DENND3: variants seen among roughly 807,000 people sequenced by gnomAD.
DENND3 encodes the protein DENN domain-containing protein 3.
In DENND3, 88 loss-of-function variants were observed where a neutral mutation model predicts 135.1. The observed-to-expected ratio is 0.65, with a 90% CI of 0.55 to 0.78. The LOEUF is 0.78. DENND3 is among the 30% of genes least tolerant of loss of function. The pLI is 0.00. For missense variants in DENND3, 1,392 were observed against 1,688.4 expected (o/e 0.82, Z 3.08); for synonymous variants, 693 against 712.3 (o/e 0.97, Z 0.43).
chr8:141,132,946 T>C (rs1569554765), intron 1 of DENND3, among the ~76,000 whole-genome samples: 1 of 152,192 alleles, frequency 6.6e-6, no homozygotes, highest in Non-Finnish European at 1.5e-5. Flanking sequence ...TCTTCTCTGC[T>C]AAATGTGGGG....
At chr8:141,145,806 TATATATA>T (rs1817961619) in intron 5 of DENND3, among the ~76,000 whole-genome samples, 2 of 7,506 alleles carry the variant, frequency 2.7e-4, no homozygotes, top group Non-Finnish European at 5.4e-4. Context: ...TTGAATATTA[TATATATA>T]TATATATATA....
In DENND3 at chr8:141,138,971, C is replaced by T. The variant is rs1275071223; in HGVS notation, c.501+834C>T. 6.6e-6 allele frequency among the ~76,000 whole-genome samples: 1 copy of T among 152,196 alleles called. No homozygotes were observed. Among genetic ancestry groups the T allele is most frequent in the East Asian group, 1.9e-4 (1 of 5,196 alleles). On this transcript the variant is annotated intron_variant, in intron 3 of 22. Transcript: ENST00000519811. The surrounding 1 kb of genome is among the most constrained non-coding windows in gnomAD (Gnocchi z 4.8). ...GGCGTTTAGACTTTACAACACATTA[C>T]ATCTGTCACACATATTGGGAGTGTT...
At chr8:141,148,659 C>T (rs902274777) in intron 5 of DENND3, among the ~76,000 whole-genome samples, 1 of 152,108 alleles carries the variant, frequency 6.6e-6, no homozygotes, top group African/African-American at 2.4e-5. Context: ...CAGCCCACTT[C>T]AGAGAGTATG....
chr8:141,194,110 C>T lies in DENND3; in HGVS notation c.3714C>T (p.Thr1238=), dbSNP rs550316921. ...KIYVIDAERK[T]VEKELVAHMD... ...ACGTGATTGACGCCGAGAGGAAGAC[C>T]GTGGAGAAGGAGCTGGTGGCGCACA... The change falls in exon 23 of 23, where the codon ACC becomes ACT. Residue 1238 remains threonine, a synonymous_variant. Transcript: ENST00000519811. 9 of 1,613,904 alleles carry T rather than the reference C, an allele frequency of 5.6e-6. No individual in the cohort carries two copies. Among genetic ancestry groups the T allele is most frequent in the East Asian group, 4.5e-5 (2 of 44,882 alleles).
chr8:141,151,410 A>G (rs1298518735), intron 6 of DENND3, among the ~76,000 whole-genome samples: 1 of 152,068 alleles, frequency 6.6e-6, no homozygotes, highest in African/African-American at 2.4e-5. Flanking sequence ...AAAATTTTAC[A>G]ATGAGCTGGA....
chr8:141,132,923 A>C (rs1320148534), intron 1 of DENND3, among the ~76,000 whole-genome samples: 1 of 152,212 alleles, frequency 6.6e-6, no homozygotes, highest in African/African-American at 2.4e-5. Context: ...GAGGAACGAT[A>C]TCGCCTCAGT....
At chr8:141,192,938 G>A (rs1296884927) in intron 22 of DENND3, 16 of 1,366,930 alleles carry the variant, frequency 1.2e-5, no homozygotes, top group East Asian at 9.8e-5. Flanking sequence ...AGTTCTCGAC[G>A]CTGGAGGTCC....
intron 16 of DENND3, 152 bp downstream of exon 16, chr8:141,178,348 C>A: frequency 8.3e-7 from 1 of 1,203,630 alleles, no homozygotes; most frequent in Non-Finnish European, 1.1e-6. Context: ...AGTCGCACAC[C>A]TTATCCGGCA....
At chr8:141,159,543 C>T (rs898410850) in intron 8 of DENND3, among the ~76,000 whole-genome samples, 18 of 152,228 alleles carry the variant, frequency 1.2e-4, no homozygotes, top group African/African-American at 4.1e-4. Context: ...CTCATTATCT[C>T]CTGTTTTCTT....
chr8:141,164,115 C>T (rs1820473121), intron 10 of DENND3, among the ~76,000 whole-genome samples: 3 of 152,176 alleles, frequency 2.0e-5, no homozygotes, highest in Admixed American at 2.0e-4. Flanking sequence ...TGGCCCATCT[C>T]AGAGTCTTGC....
chr8:141,194,320 G>A lies in DENND3; in HGVS notation c.*87G>A. On this transcript the variant is annotated 3_prime_UTR_variant, in exon 23 of 23. Transcript: ENST00000519811. Reference sequence around the variant, plus strand: ...GCCTGCCAGGAGCAGAAGCCTGGAGGGGTGGCAGGGCAGAGCAGCCCAGGC... The same window carrying A: ...GCCTGCCAGGAGCAGAAGCCTGGAGAGGTGGCAGGGCAGAGCAGCCCAGGC... The A allele has an allele frequency of 2.0e-6, 3 of 1,491,344 alleles. No homozygotes were observed. Among genetic ancestry groups the A allele is most frequent in the Non-Finnish European group, 2.7e-6 (3 of 1,099,916 alleles). The allele number at this position is 1,491,344 out of a possible 1,614,324, so 92.4% of individuals were successfully genotyped here.
In DENND3 at chr8:141,178,190, A is replaced by G; in HGVS notation, c.2830A>G (p.Asn944Asp). ...SKLSYFDKMS[N>D]EMPMTLPETT... Reference sequence around the variant, plus strand: ...GTTATCCTACTTTGATAAGATGAGTAACGAAAGTAAGATAAGCCCGTTCTT... The same window carrying G: ...GTTATCCTACTTTGATAAGATGAGTGACGAAAGTAAGATAAGCCCGTTCTT... Residue 944 changes from asparagine to aspartate, a missense_variant, in exon 16 of 23, where the codon AAC becomes GAC. Asn to Asp is a conservative substitution (Grantham distance 23). Transcript: ENST00000519811. The G allele has an allele frequency of 6.2e-7, 1 of 1,609,512 alleles. No homozygotes were observed. The highest frequency in any genetic ancestry group is 8.5e-7 in the Non-Finnish European group (1 of 1,175,984).
chr8:141,176,002 C>A (rs1045389506), intron 14 of DENND3: 2 of 188,950 alleles, frequency 1.1e-5, no homozygotes, highest in African/African-American at 4.8e-5. Context: ...ATTCCTCTTA[C>A]GCCTTATAGT....
At chr8:141,185,048 G>A (rs1014761099) in intron 17 of DENND3, 91 bp from the exon 18 acceptor site, 8 of 1,515,504 alleles carry the variant, frequency 5.3e-6, no homozygotes, top group Admixed American at 3.8e-5. Flanking sequence ...GCTTAGGAGG[G>A]CCCAGGAGGC....
intron 9 of DENND3, 47 bp from the exon 10 acceptor site, chr8:141,163,285 AT>A (rs1569556008): frequency 1.8e-6 from 2 of 1,103,396 alleles, no homozygotes; most frequent in Non-Finnish European, 2.7e-6. Flanking sequence ...TATATTTTTC[AT>A]GTATTTAAGA....
Position 141,142,777 on chromosome 8 carries a change from T to A in DENND3, c.624-1371T>A, listed in dbSNP as rs138561634. 6.4e-4 allele frequency: 107 copies of A among 167,864 alleles called. 1 individual carries two copies. Among genetic ancestry groups the A allele is most frequent in the African/African-American group, 2.4e-3 (100 of 41,614 alleles). The allele number at this position is 167,864 out of a possible 1,614,324, so 10.4% of individuals were successfully genotyped here. A position where few individuals can be genotyped will look rare whatever the true frequency, so the allele number is the denominator to read the frequency against. On this transcript the variant is annotated intron_variant, in intron 4 of 22. Transcript: ENST00000519811. The stretch of plus-strand genomic sequence containing the variant: ...TGAAGGTAAACAGCGTTTTCACTAA[T>A]CTCTAGTTTCCTCTTCTGTAAAATG...
intron 9 of DENND3, 59 bp downstream of exon 9, chr8:141,160,846 A>T (rs1318823423): frequency 1.9e-6 from 3 of 1,560,942 alleles, no homozygotes; most frequent in East Asian, 2.3e-5. Context: ...CATCCATTCT[A>T]TGGGGATCGT....
At chr8:141,140,609 C>A (rs1295726417) in intron 3 of DENND3, among the ~76,000 whole-genome samples, 1 of 152,230 alleles carries the variant, frequency 6.6e-6, no homozygotes, top group Admixed American at 6.5e-5. Context: ...CCTGATGTCT[C>A]CCTTTACCTG....
At chr8:141,155,774 T>A in intron 7 of DENND3, 75 bp from the exon 8 acceptor site, 1 of 1,480,614 alleles carries the variant, frequency 6.8e-7, no homozygotes, top group Non-Finnish European at 9.1e-7. Context: ...CAAAACATAT[T>A]TATGTGTTTT....
Sources: allele counts gnomAD v4.1 joint callset (sites outside exome capture counted in the v4.1 genomes callset), GRCh38; gene constraint gnomAD v4.1.1; non-coding constraint Gnocchi (gnomAD v3.1); transcripts MANE v1.5; gene names NCBI Gene and HGNC (gene_info 2026-07-23, HGNC 2026-07-21).